Variants in TMTC1 observed in about 807,000 individuals in gnomAD.
The protein encoded by TMTC1 is protein O-mannosyl-transferase TMTC1.
TMTC1 carries 73 observed loss-of-function variants against 104.8 expected under a neutral mutation model. That is an observed-to-expected ratio of 0.70 (90% CI 0.58 to 0.85). TMTC1 has a LOEUF of 0.85. Among genes scored for constraint, TMTC1 ranks in the 40% least tolerant of loss-of-function variants. TMTC1 has a pLI of 0.00. For synonymous variants in TMTC1, 434 were observed against 428.7 expected (o/e 1.01, Z -0.15); for missense variants, 1,035 against 1,096.1 (o/e 0.94, Z 0.79).
chr12:29,732,676 A>T (rs1226811583), intron 5 of TMTC1, among the ~76,000 whole-genome samples: 1 of 152,214 alleles, frequency 6.6e-6, no homozygotes, highest in Admixed American at 6.5e-5. Flanking sequence ...GATTTAAAAA[A>T]AATTACAGTC....
At chr12:29,689,438 C>G (rs987618446) in intron 5 of TMTC1, among the ~76,000 whole-genome samples, 1 of 152,000 alleles carries the variant, frequency 6.6e-6, no homozygotes, top group Non-Finnish European at 1.5e-5. Context: ...CTCAGCCTCC[C>G]GAGTAGCTGG....
chr12:29,681,172 T>C (rs1940907457), intron 5 of TMTC1, among the ~76,000 whole-genome samples: 1 of 148,034 alleles, frequency 6.8e-6, no homozygotes, highest in African/African-American at 2.5e-5. Context: ...ACTGAAGTCA[T>C]ATAAAGTAAC....
intron 5 of TMTC1, among the ~76,000 whole-genome samples, chr12:29,680,651 G>C (rs1349882170): frequency 6.6e-6 from 1 of 152,138 alleles, no homozygotes; most frequent in African/African-American, 2.4e-5. Flanking sequence ...TACCTGATGA[G>C]AGTGGTGTAA....
chr12:29,635,271 G>A (rs1437102951), intron 5 of TMTC1, among the ~76,000 whole-genome samples: 1 of 151,846 alleles, frequency 6.6e-6, no homozygotes, highest in Non-Finnish European at 1.5e-5. Flanking sequence ...CCACAGGAAA[G>A]TGATTGGATC....
At chr12:29,564,628 G>A (rs1464493836) in intron 9 of TMTC1, among the ~76,000 whole-genome samples, 3 of 152,174 alleles carry the variant, frequency 2.0e-5, no homozygotes, top group Admixed American at 2.0e-4. Flanking sequence ...TTTCACATGT[G>A]GGGAGGGAGC....
At chr12:29,768,316 G>T (rs1334541830) in intron 1 of TMTC1, among the ~76,000 whole-genome samples, 1 of 152,084 alleles carries the variant, frequency 6.6e-6, no homozygotes, top group Non-Finnish European at 1.5e-5. Flanking sequence ...GGGAACTTTG[G>T]TCTCACTGAG....
At chr12:29,732,433 A>G (rs1942568251) in intron 5 of TMTC1, among the ~76,000 whole-genome samples, 1 of 152,218 alleles carries the variant, frequency 6.6e-6, no homozygotes, top group Non-Finnish European at 1.5e-5. Context: ...GATGAGGATA[A>G]TCAGATGGGC....
chr12:29,642,003 G>C (rs1371546712), intron 5 of TMTC1, among the ~76,000 whole-genome samples: 3 of 152,052 alleles, frequency 2.0e-5, no homozygotes, highest in African/African-American at 7.2e-5. Flanking sequence ...AGAGCTCAAA[G>C]ACAAGGTCTT....
At chr12:29,566,372 T>C (rs1322566107) in intron 9 of TMTC1, among the ~76,000 whole-genome samples, 2 of 152,020 alleles carry the variant, frequency 1.3e-5, no homozygotes, top group African/African-American at 4.8e-5. Flanking sequence ...AGGGCGAGCA[T>C]GGAGGCTGCT....
At chr12:29,681,622 A>C (rs937700721) in intron 5 of TMTC1, among the ~76,000 whole-genome samples, 1 of 152,194 alleles carries the variant, frequency 6.6e-6, no homozygotes, top group African/African-American at 2.4e-5. Context: ...CATAGGGCAC[A>C]GTCAGCAAAA....
At chr12:29,694,204 T>C (rs1352714104) in intron 5 of TMTC1, among the ~76,000 whole-genome samples, 1 of 152,156 alleles carries the variant, frequency 6.6e-6, no homozygotes, top group Non-Finnish European at 1.5e-5. Flanking sequence ...TCTCTACGCT[T>C]GCCTATGCTT....
At chr12:29,580,012 T>C (rs2076126284) in intron 8 of TMTC1, among the ~76,000 whole-genome samples, 1 of 152,108 alleles carries the variant, frequency 6.6e-6, no homozygotes, top group Admixed American at 6.6e-5. Flanking sequence ...AAGTGCTGGG[T>C]TCTTGTGCTT....
At chr12:29,552,795 A>C (rs1356996650) in intron 10 of TMTC1, among the ~76,000 whole-genome samples, 1 of 152,214 alleles carries the variant, frequency 6.6e-6, no homozygotes, top group African/African-American at 2.4e-5. Flanking sequence ...CAATTTTTTA[A>C]AGTTAACTCA....
At chr12:29,601,390 A>G (rs921515836) in intron 7 of TMTC1, among the ~76,000 whole-genome samples, 3 of 152,192 alleles carry the variant, frequency 2.0e-5, no homozygotes, top group African/African-American at 7.2e-5. Flanking sequence ...ATTTCCTCAC[A>G]AATTATTCTC....
At position 29,783,785 on chromosome 12, in the gene TMTC1, C is replaced by G; in HGVS notation, c.-34G>C. On this transcript the variant is annotated 5_prime_UTR_variant, in exon 1 of 18. Transcript: ENST00000539277. The surrounding 1 kb of genome is among the most constrained non-coding windows in gnomAD (Gnocchi z 4.7). ...CGCCGCCGCTGCTGCCCTGGCCTCT[C>G]CCGGGCGTCTGGCATCCTCCCCTAC... 6 of 1,131,032 alleles carry G rather than the reference C, an allele frequency of 5.3e-6. No individual in the cohort carries two copies. Among genetic ancestry groups the G allele is most frequent in the Non-Finnish European group, 6.5e-6 (6 of 925,406 alleles). 70.1% of individuals were successfully genotyped at this position (1,131,032 alleles called of 1,614,324 possible). A position where few individuals can be genotyped will look rare whatever the true frequency, so the allele number is the denominator to read the frequency against.
chr12:29,578,091 G>A (rs1945873777), intron 8 of TMTC1, among the ~76,000 whole-genome samples: 1 of 151,924 alleles, frequency 6.6e-6, no homozygotes, highest in Admixed American at 6.6e-5. Context: ...TCTAATTTAT[G>A]TCCCACCCAA....
At chr12:29,563,382 C>T (rs145443847) in intron 9 of TMTC1, among the ~76,000 whole-genome samples, 13 of 152,256 alleles carry the variant, frequency 8.5e-5, no homozygotes, top group African/African-American at 2.6e-4. Flanking sequence ...CATGAGTGCA[C>T]TCTGGTTGAT....
chr12:29,766,013 T>C (rs1424957600), intron 2 of TMTC1, among the ~76,000 whole-genome samples: 1 of 152,216 alleles, frequency 6.6e-6, no homozygotes, highest in African/African-American at 2.4e-5. Flanking sequence ...TAGAGTTACC[T>C]GTCATTACAG....
chr12:29,595,188 CA>C (rs1329599085), intron 7 of TMTC1, among the ~76,000 whole-genome samples: 1 of 152,184 alleles, frequency 6.6e-6, no homozygotes, highest in African/African-American at 2.4e-5. Context: ...CAGACACAAA[CA>C]TTCATCTTTT....
Sources: gnomAD v4.1 joint callset for allele counts (sites outside exome capture counted in the v4.1 genomes callset) on GRCh38, gnomAD v4.1.1 for gene constraint, Gnocchi (gnomAD v3.1) non-coding constraint, MANE v1.5 for transcripts, NCBI Gene and HGNC (gene_info 2026-07-23, HGNC 2026-07-21) for gene names.